PCDHB11: variants seen among roughly 807,000 people sequenced by gnomAD.
PCDHB11 encodes the protein protocadherin beta-11.
For missense variants in PCDHB11, 1,151 were observed against 1,003.4 expected (o/e 1.15, Z -1.99); for synonymous variants, 522 against 442.0 (o/e 1.18, Z -2.27).
Position 141,201,895 on chromosome 5 carries a change from G to A in PCDHB11, c.2121G>A (p.Leu707=), listed in dbSNP as rs201697500. ...VSSLFLFSVL[L]FVAVRLCRRS... is the part of the protein sequence containing the mutation. ...CGCTCTTCCTCTTCTCGGTGCTCCT[G>A]TTCGTGGCGGTGCGGCTGTGCAGGA... The change falls in exon 1 of 1, where the codon CTG becomes CTA. Residue 707 remains leucine, a synonymous_variant. Transcript: ENST00000354757. The A allele has an allele frequency of 4.9e-5, 79 of 1,613,032 alleles. No individual in the cohort carries two copies. Among genetic ancestry groups the A allele is most frequent in the African/African-American group, 1.1e-4 (8 of 74,908 alleles).
At position 141,201,278 on chromosome 5, in the gene PCDHB11, T is replaced by G; in HGVS notation, c.1504T>G (p.Ser502Ala). The change falls in exon 1 of 1, where the codon TCC becomes GCC. Residue 502 changes from serine (S) to alanine (A), a missense_variant. Physicochemically the swap from Ser to Ala is moderately conservative, Grantham distance 99. Coordinates refer to ENST00000354757, the MANE Select transcript of PCDHB11 (RefSeq NM_018931.3). ...CCAGGACCTGCACCTGCCCCTCGCC[T>G]CCCTGGTCTCCATCAACACAGACAA... is the stretch of plus-strand genomic sequence containing the variant. Reference protein sequence around the residue: ...PPQDLHLPLASLVSINTDNGH... With the variant: ...PPQDLHLPLAALVSINTDNGH... The G allele has an allele frequency of 6.2e-7, 1 of 1,613,438 alleles. No individual in the cohort carries two copies. Among genetic ancestry groups the G allele is most frequent in the Middle Eastern group, 1.8e-4 (1 of 5,482 alleles).
chr5:141,202,196 CT>C lies in PCDHB11; in HGVS notation c.*34del, dbSNP rs781961281. 9.7e-6 allele frequency: 15 copies of C among 1,545,504 alleles called. No homozygotes were observed. In the African/African-American group the frequency reaches 1.7e-4, roughly 17 times the overall value. ...AGAATGCTATTTACATTTGCATGTACTTTTTTAGTTTTATGTAACCATATCA... is the reference window on the plus strand; with the variant it reads ...AGAATGCTATTTACATTTGCATGTACTTTTTAGTTTTATGTAACCATATCA... On this transcript the variant is annotated 3_prime_UTR_variant, in exon 1 of 1. Transcript: ENST00000354757.
chr5:141,201,884 T>G lies in PCDHB11; in HGVS notation c.2110T>G (p.Ser704Ala). The change falls in exon 1 of 1, where the codon TCG becomes GCG. Residue 704 changes from serine (S) to alanine (A), a missense_variant. By Grantham distance (99) the Ser-to-Ala change is moderately conservative. Coordinates refer to ENST00000354757, the MANE Select transcript of PCDHB11 (RefSeq NM_018931.3). ...CTCGGTGTCTTCGCTCTTCCTCTTC[T>G]CGGTGCTCCTGTTCGTGGCGGTGCG... is the stretch of plus-strand genomic sequence containing the variant. ...LASVSSLFLF[S>A]VLLFVAVRLC... 1.9e-6 allele frequency: 3 copies of G among 1,612,376 alleles called. No individual in the cohort carries two copies. The highest frequency in any genetic ancestry group is 1.7e-6 in the Non-Finnish European group (2 of 1,179,892).
Position 141,201,077 on chromosome 5 carries a change from C to T in PCDHB11, c.1303C>T (p.His435Tyr). ...GGGGATACCCAGGCTGAAAACCGAG[C>T]ACAACACAACTGTGTTGGTCTCTGA... is the stretch of plus-strand genomic sequence containing the variant. Reference protein sequence around the residue: ...DLGIPRLKTEHNTTVLVSDVN... With the variant: ...DLGIPRLKTEYNTTVLVSDVN... Residue 435 changes from histidine to tyrosine, a missense_variant, in exon 1 of 1, where the codon CAC becomes TAC. His to Tyr is a moderately conservative substitution (Grantham distance 83). Coordinates refer to ENST00000354757, the MANE Select transcript of PCDHB11 (RefSeq NM_018931.3). 6.2e-7 allele frequency: 1 copy of T among 1,614,200 alleles called. No individual in the cohort carries two copies. The highest frequency in any genetic ancestry group is 8.5e-7 in the Non-Finnish European group (1 of 1,180,036).
At position 141,201,962 on chromosome 5, in the gene PCDHB11, G is replaced by A. The variant is rs201074247; in HGVS notation, c.2188G>A (p.Gly730Ser). ...GGTGGGAAGCTGCTCGGTGCCTAAGGGCCCCTTTCCAGGGCATCTGGTGGA... is the reference window on the plus strand; with the variant it reads ...GGTGGGAAGCTGCTCGGTGCCTAAGAGCCCCTTTCCAGGGCATCTGGTGGA... ...ASVGSCSVPKGPFPGHLVDVS... is the reference protein window; with the variant it reads ...ASVGSCSVPKSPFPGHLVDVS... The change falls in exon 1 of 1, where the codon GGC (glycine) becomes AGC (serine). Residue 730 changes from glycine to serine, a missense_variant. Transcript: ENST00000354757. The A allele has an allele frequency of 8.1e-6, 13 of 1,614,150 alleles. No individual in the cohort carries two copies. Among genetic ancestry groups the A allele is most frequent in the African/African-American group, 5.3e-5 (4 of 75,042 alleles).
chr5:141,202,256 T>G lies in PCDHB11; in HGVS notation c.*88T>G, dbSNP rs1176587935. On this transcript the variant is annotated 3_prime_UTR_variant, in exon 1 of 1. Transcript: ENST00000354757. ...TAGTCTTAAACTAGTTACGTTATTA[T>G]GCAATACGACTAATTGTATTTTTAA... 1 of 1,190,808 alleles carries G rather than the reference T, an allele frequency of 8.4e-7. No individual in the cohort carries two copies. The highest frequency in any genetic ancestry group is 1.6e-5 in the African/African-American group (1 of 64,406). The allele number at this position is 1,190,808 out of a possible 1,614,324, so 73.8% of individuals were successfully genotyped here.
chr5:141,201,033 C>T lies in PCDHB11; in HGVS notation c.1259C>T (p.Thr420Ile), dbSNP rs61744822. 1 of 1,614,190 alleles carries T rather than the reference C, an allele frequency of 6.2e-7. No homozygotes were observed. The highest frequency in any genetic ancestry group is 1.7e-5 in the Admixed American group (1 of 60,012). Residue 420 changes from threonine to isoleucine, a missense_variant, in exon 1 of 1, where the codon ACC becomes ATC. Coordinates refer to ENST00000354757, the MANE Select transcript of PCDHB11 (RefSeq NM_018931.3). ...DRESTAEYNI[T>I]ITVTDLGIPR... ...GAGAGCACAGCCGAGTACAATATCA[C>T]CATCACCGTCACCGACTTGGGGATA...
rs781839995 is a variant in PCDHB11 at position 141,201,899 on chromosome 5, G to A, written c.2125G>A (p.Val709Met). 9 of 1,613,072 alleles carry A rather than the reference G, an allele frequency of 5.6e-6. No individual in the cohort carries two copies. Among genetic ancestry groups the A allele is most frequent in the African/African-American group, 1.3e-5 (1 of 74,896 alleles). Residue 709 changes from valine (V) to methionine (M), a missense_variant, in exon 1 of 1, where the codon GTG becomes ATG. By Grantham distance (21) the Val-to-Met change is conservative. Transcript: ENST00000354757. ...CTTCCTCTTCTCGGTGCTCCTGTTC[G>A]TGGCGGTGCGGCTGTGCAGGAGGAG... ...SLFLFSVLLFVAVRLCRRSRA... is the reference protein window; with the variant it reads ...SLFLFSVLLFMAVRLCRRSRA...
rs781843352 is a variant in PCDHB11 at position 141,200,952 on chromosome 5, T to C, written c.1178T>C (p.Leu393Pro). 2 of 1,614,098 alleles carry C rather than the reference T, an allele frequency of 1.2e-6. No individual in the cohort carries two copies. Among genetic ancestry groups the C allele is most frequent in the African/African-American group, 2.7e-5 (2 of 74,916 alleles). The change falls in exon 1 of 1, where the codon CTA (leucine) becomes CCA (proline). Residue 393 changes from leucine (L) to proline (P), a missense_variant. Leu to Pro is a moderately conservative substitution (Grantham distance 98). Coordinates refer to ENST00000354757, the MANE Select transcript of PCDHB11 (RefSeq NM_018931.3). ...ATTCCGGAAGACCTCCCATTCGTGC[T>C]AAAATCTTCAGTTGAGAATTACTAC... ...CSIPEDLPFVLKSSVENYYTL... is the reference protein window; with the variant it reads ...CSIPEDLPFVPKSSVENYYTL...
Position 141,200,029 on chromosome 5 carries a change from C to T in PCDHB11, c.255C>T (p.Leu85=), listed in dbSNP as rs139966504. ...TGGACATAAACACTGGGGATTTGCT[C>T]TTAAGTGAAACACTAGACAGGGAGG... The part of the protein sequence containing the change: ...LQLDINTGDL[L]LSETLDREEL... Residue 85 remains leucine, a synonymous_variant, in exon 1 of 1, where the codon CTC becomes CTT. Coordinates refer to ENST00000354757, the MANE Select transcript of PCDHB11 (RefSeq NM_018931.3). 1.2e-6 allele frequency: 2 copies of T among 1,614,170 alleles called. No homozygotes were observed. Among genetic ancestry groups the T allele is most frequent in the Admixed American group, 1.7e-5 (1 of 60,016 alleles).
rs139995522 is a variant in PCDHB11, at chr5:141,201,688, C to A, written c.1914C>A (p.His638Gln). ...TGAGCGAGCGCGACGCGGCCAAGCA[C>A]AGGCTGGTGGTGCTGGTCAAGGACA... ...RLLSERDAAK[H>Q]RLVVLVKDNG... Residue 638 changes from histidine (H) to glutamine (Q), a missense_variant, in exon 1 of 1, where the codon CAC (histidine) becomes CAA (glutamine). Physicochemically the swap from His to Gln is conservative, Grantham distance 24. Transcript: ENST00000354757. 1 of 1,606,766 alleles carries A rather than the reference C, an allele frequency of 6.2e-7. No homozygotes were observed. Among genetic ancestry groups the A allele is most frequent in the East Asian group, 2.2e-5 (1 of 44,888 alleles).
In PCDHB11 at chr5:141,201,102, AC is replaced by A; in HGVS notation, c.1329del (p.Asp443GlufsTer99). On this transcript the variant is annotated frameshift_variant, in exon 1 of 1. Transcript: ENST00000354757. LOFTEE classifies it low-confidence loss of function (END_TRUNC). ...TEHNTTVLVS[D>X]VNDNAPTFTQ... ...CACAACACAACTGTGTTGGTCTCTG[AC>A]GTCAATGACAACGCCCCCACCTTCA... 6.2e-7 allele frequency: 1 copy of A among 1,614,192 alleles called. No homozygotes were observed. The highest frequency in any genetic ancestry group is 8.5e-7 in the Non-Finnish European group (1 of 1,180,048).
chr5:141,202,099 G>A lies in PCDHB11; in HGVS notation c.2325G>A (p.Gln775=). ...KFLKPVIPNI[Q]AKGLGKNSEE... is the part of the protein sequence containing the mutation. ...TAAAACCGGTTATCCCTAATATCCA[G>A]GCAAAAGGTCTTGGGAAGAATAGTG... is the stretch of plus-strand genomic sequence containing the variant. The change falls in exon 1 of 1, where the codon CAG becomes CAA. Residue 775 remains glutamine, a synonymous_variant. Transcript: ENST00000354757. 1 of 1,614,184 alleles carries A rather than the reference G, an allele frequency of 6.2e-7. No individual in the cohort carries two copies. Among genetic ancestry groups the A allele is most frequent in the Admixed American group, 1.7e-5 (1 of 60,022 alleles).
Position 141,200,843 on chromosome 5 carries a change from C to A in PCDHB11, c.1069C>A (p.Pro357Thr). The change falls in exon 1 of 1, where the codon CCA (proline) becomes ACA (threonine). Residue 357 changes from proline (P) to threonine (T), a missense_variant. Pro to Thr is a conservative substitution (Grantham distance 38). Transcript: ENST00000354757. ...ITVSSITSPI[P>T]ENTPETVVMV... ...TGTGTCATCAATTACCAGTCCAATC[C>A]CAGAAAATACGCCAGAGACCGTGGT... is the stretch of plus-strand genomic sequence containing the variant. 1 of 1,614,148 alleles carries A rather than the reference C, an allele frequency of 6.2e-7. No homozygotes were observed. The highest frequency in any genetic ancestry group is 8.5e-7 in the Non-Finnish European group (1 of 1,180,032).
Position 141,200,789 on chromosome 5 carries a change from G to C in PCDHB11, c.1015G>C (p.Asp339His). The C allele has an allele frequency of 1.2e-6, 2 of 1,614,204 alleles. No individual in the cohort carries two copies. Reference protein sequence around the residue: ...GKSTVIIHVIDVNDNAPEITV... With the variant: ...GKSTVIIHVIHVNDNAPEITV... ...ATCTACAGTCATAATTCACGTGATAGATGTAAATGACAATGCTCCTGAAAT... is the reference window on the plus strand; with the variant it reads ...ATCTACAGTCATAATTCACGTGATACATGTAAATGACAATGCTCCTGAAAT... The change falls in exon 1 of 1, where the codon GAT becomes CAT. Residue 339 changes from aspartate to histidine, a missense_variant. Physicochemically the swap from Asp to His is moderately conservative, Grantham distance 81. Transcript: ENST00000354757.
chr5:141,200,716 A>G lies in PCDHB11; in HGVS notation c.942A>G (p.Ser314=), dbSNP rs1754155428. The G allele has an allele frequency of 1.2e-6, 2 of 1,614,014 alleles. No homozygotes were observed. Among genetic ancestry groups the G allele is most frequent in the Non-Finnish European group, 8.5e-7 (1 of 1,179,972 alleles). ...CTCTGGATTTTGAAACGATTGAGTC[A>G]TACTCAATAATCATTCAAGCCACAG... is the stretch of plus-strand genomic sequence containing the variant. ...RAPLDFETIE[S]YSIIIQATDG... is the part of the protein sequence containing the mutation. Residue 314 remains serine, a synonymous_variant, in exon 1 of 1, where the codon TCA becomes TCG. Transcript: ENST00000354757.
chr5:141,202,190 C>T lies in PCDHB11; in HGVS notation c.*22C>T, dbSNP rs371987039. On this transcript the variant is annotated 3_prime_UTR_variant, in exon 1 of 1. Coordinates refer to ENST00000354757, the MANE Select transcript of PCDHB11 (RefSeq NM_018931.3). ...TTAGTAAGAATGCTATTTACATTTG[C>T]ATGTACTTTTTTAGTTTTATGTAAC... 118 of 1,558,342 alleles carry T rather than the reference C, an allele frequency of 7.6e-5. No individual in the cohort carries two copies. The highest frequency in any genetic ancestry group is 1.7e-4 in the Middle Eastern group (1 of 5,822).
At position 141,201,639 on chromosome 5, in the gene PCDHB11, G is replaced by T; in HGVS notation, c.1865G>T (p.Gly622Val). 2 of 1,606,856 alleles carry T rather than the reference G, an allele frequency of 1.2e-6. No individual in the cohort carries two copies. The highest frequency in any genetic ancestry group is 1.7e-6 in the Non-Finnish European group (2 of 1,179,168). Residue 622 changes from glycine (G) to valine (V), a missense_variant, in exon 1 of 1, where the codon GGC (glycine) becomes GTC (valine). By Grantham distance (109) the Gly-to-Val change is moderately radical. Coordinates refer to ENST00000354757, the MANE Select transcript of PCDHB11 (RefSeq NM_018931.3). ...PGLFGVWAHN[G>V]EVRTARLLSE... ...CTATTCGGCGTGTGGGCGCACAATG[G>T]CGAGGTGCGCACCGCCAGGCTGCTG...
rs781933558 is a variant in PCDHB11 at position 141,200,435 on chromosome 5, C to T, written c.661C>T (p.Pro221Ser). The T allele has an allele frequency of 6.2e-7, 1 of 1,614,136 alleles. No individual in the cohort carries two copies. Among genetic ancestry groups the T allele is most frequent in the Non-Finnish European group, 8.5e-7 (1 of 1,180,014 alleles). Reference protein sequence around the residue: ...ILSALDGGSPPRSGTALVRVV... With the variant: ...ILSALDGGSPSRSGTALVRVV... The stretch of plus-strand genomic sequence containing the variant: ...CTCTGCTCTGGATGGTGGGTCCCCT[C>T]CCAGGTCTGGAACTGCCTTGGTCAG... The change falls in exon 1 of 1, where the codon CCC (proline) becomes TCC (serine). Residue 221 changes from proline to serine, a missense_variant. By Grantham distance (74) the Pro-to-Ser change is moderately conservative. Coordinates refer to ENST00000354757, the MANE Select transcript of PCDHB11 (RefSeq NM_018931.3).
Sources: allele counts gnomAD v4.1 joint callset, GRCh38; gene constraint gnomAD v4.1.1; transcripts MANE v1.5; gene names NCBI Gene and HGNC (gene_info 2026-07-23, HGNC 2026-07-21).